PAM16: variants seen among roughly 807,000 people sequenced by gnomAD.
The protein encoded by PAM16 is mitochondrial import inner membrane translocase subunit TIM16.
PAM16 carries 11 observed loss-of-function variants against 17.9 expected under a neutral mutation model. That is an observed-to-expected ratio of 0.62 (90% CI 0.39 to 1.02). The LOEUF (loss-of-function observed/expected upper bound fraction) is 1.02, where lower values mean the gene tolerates loss of function less well. Among genes scored for constraint, PAM16 ranks in the 50% least tolerant of loss-of-function variants. PAM16 has a pLI of 0.01. For synonymous variants in PAM16, 72 were observed against 67.4 expected, an observed-to-expected ratio of 1.07 and a Z score of -0.34; for missense variants, 199 against 165.4, an observed-to-expected ratio of 1.20 and a Z score of -1.11.
At chr16:4,340,581 G>A (rs2053628320) in intron 4 of PAM16, among the ~76,000 whole-genome samples, 176 bp from the exon 5 acceptor site, 1 of 152,198 alleles carries the variant, frequency 6.6e-6, no homozygotes, top group African/African-American at 2.4e-5. Context: ...GACAGAGCTG[G>A]GCTGCAGGGC....
intron 1 of PAM16, among the ~76,000 whole-genome samples, chr16:4,345,085 T>C (rs923865949): frequency 4.0e-5 from 6 of 151,766 alleles, no homozygotes; most frequent in Non-Finnish European, 7.4e-5. Flanking sequence ...AGCGATTATA[T>C]ATAGACAGCA....
chr16:4,343,344 A>C (rs781145775), intron 1 of PAM16, 53 bp from the exon 2 acceptor site: 5 of 1,552,856 alleles, frequency 3.2e-6, no homozygotes, highest in Non-Finnish European at 4.4e-6. Flanking sequence ...GGGCCCACAG[A>C]GATGGGCCCT....
chr16:4,340,933 TAGA>T lies in PAM16; in HGVS notation c.275_277del (p.Phe92del). 1.2e-6 allele frequency: 2 copies of T among 1,613,616 alleles called. No individual in the cohort carries two copies. The highest frequency in any genetic ancestry group is 2.2e-5 in the East Asian group (1 of 44,880). On this transcript the variant is annotated inframe_deletion, in exon 4 of 5. Coordinates refer to ENST00000318059, the MANE Select transcript of PAM16 (RefSeq NM_016069.11). ...AAGACCACTCACCTTTGACTGCAGGTAGAAGGAGCCACCCACGGATTTATCATT... is the reference window on the plus strand; with the variant it reads ...AAGACCACTCACCTTTGACTGCAGGTAGGAGCCACCCACGGATTTATCATT...
intron 2 of PAM16, 106 bp downstream of exon 2, chr16:4,343,101 G>T (rs150060174): frequency 6.8e-7 from 1 of 1,470,536 alleles, no homozygotes; most frequent in Non-Finnish European, 9.4e-7. Context: ...AGTGCCTCAG[G>T]CCACGCACAC....
chr16:4,351,166 G>GCCCGGTC (rs1555467338), intron 1 of PAM16, 66 bp downstream of exon 1: 1 of 1,040,078 alleles, frequency 9.6e-7, no homozygotes, highest in Non-Finnish European at 1.3e-6. Flanking sequence ...GGAGCTCGCC[G>GCCCGGTC]CCCGGCCCCC....
At chr16:4,350,123 C>G (rs1420572568) in intron 1 of PAM16, among the ~76,000 whole-genome samples, 2 of 151,560 alleles carry the variant, frequency 1.3e-5, no homozygotes, top group Non-Finnish European at 2.9e-5. Context: ...TTTTCCCCCT[C>G]TTTTTCTTTT....
intron 2 of PAM16, among the ~76,000 whole-genome samples, chr16:4,342,682 C>T (rs967142694): frequency 6.6e-6 from 1 of 151,008 alleles, no homozygotes. Flanking sequence ...TTTACAAAAC[C>T]AGGGCCGGGC....
In PAM16 at chr16:4,351,309, G is replaced by C. The variant is rs753404596; in HGVS notation, c.-75C>G. ...GCCGGGGATCAAGCGTGGTCGGCGGGTCAGAGGTCAAGGAAAGCCGCAGAG... is the reference window on the plus strand; with the variant it reads ...GCCGGGGATCAAGCGTGGTCGGCGGCTCAGAGGTCAAGGAAAGCCGCAGAG... On this transcript the variant is annotated 5_prime_UTR_variant, in exon 1 of 5. Transcript: ENST00000318059. The C allele has an allele frequency of 1.1e-5, 14 of 1,230,304 alleles. No homozygotes were observed. Among genetic ancestry groups the C allele is most frequent in the South Asian group, 1.9e-5 (1 of 51,880 alleles). The allele number at this position is 1,230,304 out of a possible 1,614,324, so 76.2% of individuals were successfully genotyped here.
intron 2 of PAM16, 131 bp downstream of exon 2, chr16:4,343,076 C>T: frequency 8.3e-7 from 1 of 1,203,810 alleles, no homozygotes; most frequent in Admixed American, 2.1e-5. Context: ...TCTGGCATCA[C>T]CCCCCACCAT....
intron 1 of PAM16, among the ~76,000 whole-genome samples, chr16:4,350,436 C>T (rs990301224): frequency 6.6e-6 from 1 of 151,836 alleles, no homozygotes; most frequent in African/African-American, 2.4e-5. Context: ...CAGTCTCACC[C>T]TGTCGCCCAG....
chr16:4,348,953 C>CTTTT (rs1219395068), intron 1 of PAM16, among the ~76,000 whole-genome samples: 1 of 114,240 alleles, frequency 8.8e-6, no homozygotes, highest in Non-Finnish European at 1.8e-5. Flanking sequence ...CTAGCACTTT[C>CTTTT]TTTTTTTTTT....
At chr16:4,348,143 A>G (rs2141154035) in intron 1 of PAM16, 1 of 152,350 alleles carries the variant, frequency 6.6e-6, no homozygotes, top group African/African-American at 2.4e-5. Flanking sequence ...ACTAGACAGG[A>G]GAAAGGTCAG....
At chr16:4,343,951 TGA>T (rs1355710244) in intron 1 of PAM16, 2 of 398,254 alleles carry the variant, frequency 5.0e-6, no homozygotes, top group African/African-American at 2.1e-5. Context: ...AAACATCTGC[TGA>T]GAGTCTACTC....
intron 1 of PAM16, among the ~76,000 whole-genome samples, chr16:4,349,251 G>A (rs548422777): frequency 3.4e-4 from 51 of 152,004 alleles, no homozygotes; most frequent in African/African-American, 1.1e-3. Flanking sequence ...CACCGTGCCC[G>A]GCCAGCACTT....
Position 4,340,326 on chromosome 16 carries a change from T to A in PAM16, c.371A>T (p.His124Leu). 2.5e-6 allele frequency: 4 copies of A among 1,612,644 alleles called. No individual in the cohort carries two copies. The highest frequency in any genetic ancestry group is 3.4e-6 in the Non-Finnish European group (4 of 1,179,780). Residue 124 changes from histidine to leucine, a missense_variant, in exon 5 of 5, where the codon CAT becomes CTT. By Grantham distance (99) the His-to-Leu change is moderately conservative (BLOSUM62 -3). Transcript: ENST00000318059. ...GCGGGGGGAGCCGAGCAGTCACGTATGGGGCATCTGCCCTTTTTCTCTGTC... is the reference window on the plus strand; with the variant it reads ...GCGGGGGGAGCCGAGCAGTCACGTAAGGGGCATCTGCCCTTTTTCTCTGTC... ...QEDREKGQMP[H>L]T
At chr16:4,349,575 G>A (rs1422062603) in intron 1 of PAM16, among the ~76,000 whole-genome samples, 2 of 151,954 alleles carry the variant, frequency 1.3e-5, no homozygotes, top group Non-Finnish European at 2.9e-5. Flanking sequence ...AGACCCATCT[G>A]GGGCAACACA....
intron 2 of PAM16, among the ~76,000 whole-genome samples, 158 bp downstream of exon 2, chr16:4,343,049 A>T (rs1051549906): frequency 6.6e-6 from 1 of 152,230 alleles, no homozygotes; most frequent in African/African-American, 2.4e-5. Context: ...ACCAGGTACC[A>T]CTGAAGAATG....
At chr16:4,341,867 C>G (rs2053653856) in intron 2 of PAM16, among the ~76,000 whole-genome samples, 1 of 152,204 alleles carries the variant, frequency 6.6e-6, no homozygotes, top group Non-Finnish European at 1.5e-5. Context: ...TGAGAGGGCT[C>G]TGCAGGGGCC....
At chr16:4,343,147 G>A (rs1012760539) in intron 2 of PAM16, 60 bp downstream of exon 2, 17 of 1,609,548 alleles carry the variant, frequency 1.1e-5, no homozygotes, top group Non-Finnish European at 1.4e-5. Flanking sequence ...CCATGGCTAC[G>A]GGGAAAATCT....
Sources: gnomAD v4.1 joint callset for allele counts (sites outside exome capture counted in the v4.1 genomes callset) on GRCh38, gnomAD v4.1.1 for gene constraint, MANE v1.5 for transcripts, NCBI Gene and HGNC (gene_info 2026-07-23, HGNC 2026-07-21) for gene names.